NTRK2: variants seen among roughly 807,000 people sequenced by gnomAD.
The protein encoded by NTRK2 is neurotrophic receptor tyrosine kinase 2, also known as BDNF/NT-3 growth factors receptor.
Under a neutral mutation model 94.5 loss-of-function variants are expected in NTRK2, and 13 were observed. The ratio of observed to expected loss-of-function variants is 0.14; its 90% CI spans 0.09 to 0.22. The LOEUF (loss-of-function observed/expected upper bound fraction) is 0.22, where lower values mean the gene tolerates loss of function less well. Ranked by LOEUF, NTRK2 falls within the 10% of genes least tolerant of loss-of-function variation. The pLI is 1.00. For synonymous variants in NTRK2, 372 were observed against 407.4 expected (o/e 0.91, Z 1.05); for missense variants, 639 against 1,071.2 (o/e 0.60, Z 5.63).
intron 14 of NTRK2, among the ~76,000 whole-genome samples, chr9:84,911,829 C>T (rs1470465002): frequency 2.0e-5 from 3 of 151,888 alleles, no homozygotes; most frequent in African/African-American, 7.2e-5. Flanking sequence ...CTTCTAATTT[C>T]TTGTGGTAGG....
At chr9:84,878,871 T>C (rs2076169879) in intron 14 of NTRK2, among the ~76,000 whole-genome samples, 1 of 152,150 alleles carries the variant, frequency 6.6e-6, no homozygotes, top group Admixed American at 6.5e-5. Flanking sequence ...TATGTGTACA[T>C]AAACTTCTCA....
At chr9:84,989,006 G>C (rs1828710756) in intron 17 of NTRK2, among the ~76,000 whole-genome samples, 1 of 152,220 alleles carries the variant, frequency 6.6e-6, no homozygotes, top group Non-Finnish European at 1.5e-5. Flanking sequence ...TATCCTTGGA[G>C]CTGGAAGAGA....
At chr9:84,913,732 G>C (rs1277868340) in intron 14 of NTRK2, among the ~76,000 whole-genome samples, 1 of 152,000 alleles carries the variant, frequency 6.6e-6, no homozygotes, top group African/African-American at 2.4e-5. Flanking sequence ...TTAGTTTTGA[G>C]AAGTTTGACT....
At chr9:84,709,563 A>C (rs2061306204) in intron 5 of NTRK2, among the ~76,000 whole-genome samples, 1 of 152,150 alleles carries the variant, frequency 6.6e-6, no homozygotes, top group South Asian at 2.1e-4. Context: ...CTCCTGGAAA[A>C]GTCTCCAGGG....
intron 12 of NTRK2, among the ~76,000 whole-genome samples, chr9:84,784,825 C>A (rs1228633533): frequency 6.6e-6 from 1 of 151,978 alleles, no homozygotes; most frequent in Non-Finnish European, 1.5e-5. Context: ...CAGTACAAGT[C>A]AAAATACTAG....
At chr9:84,958,123 C>A (rs1251387045) in intron 17 of NTRK2, among the ~76,000 whole-genome samples, 1 of 151,970 alleles carries the variant, frequency 6.6e-6, no homozygotes, top group Admixed American at 6.6e-5. Flanking sequence ...CTACTGCGTA[C>A]AGGGTTTCTT....
In NTRK2 at chr9:84,743,021, G is replaced by A. The variant is rs550241839; in HGVS notation, c.1195+1094G>A. The stretch of plus-strand genomic sequence containing the variant: ...TTACCATGTTGGCCAGGCTGGTCTC[G>A]AACTCCTGACCTCAGGTGATTCACC... On this transcript the variant is annotated intron_variant, in intron 10 of 18. Coordinates refer to ENST00000277120, the MANE Select transcript of NTRK2 (RefSeq NM_006180.6). Among the ~76,000 whole-genome samples, 493 of 152,062 alleles carry A rather than the reference G, an allele frequency of 3.2e-3. 2 individuals carry two copies. Among genetic ancestry groups the A allele is most frequent in the Non-Finnish European group, 5.5e-3 (372 of 67,982 alleles).
rs1832958941 is a variant in NTRK2 at position 85,024,901 on chromosome 9, G to A, written c.*3464G>A. ...TCAGCGCTACCTGTGATGTTTTCATGTATTTATGTATGTGTTATAAATACT... is the reference window on the plus strand; with the variant it reads ...TCAGCGCTACCTGTGATGTTTTCATATATTTATGTATGTGTTATAAATACT... On this transcript the variant is annotated 3_prime_UTR_variant, in exon 19 of 19. Coordinates refer to ENST00000277120, the MANE Select transcript of NTRK2 (RefSeq NM_006180.6). 1 of 232,798 alleles carries A rather than the reference G, an allele frequency of 4.3e-6. No homozygotes were observed. Among genetic ancestry groups the A allele is most frequent in the African/African-American group, 2.2e-5 (1 of 45,312 alleles). The allele number at this position is 232,798 out of a possible 1,614,324, so 14.4% of individuals were successfully genotyped here.
chr9:84,721,435 C>T (rs1012409488), intron 6 of NTRK2, among the ~76,000 whole-genome samples: 4 of 152,182 alleles, frequency 2.6e-5, no homozygotes, highest in African/African-American at 9.7e-5. Context: ...CTCGGCCTCC[C>T]AAAGTGCTGG....
intron 12 of NTRK2, among the ~76,000 whole-genome samples, chr9:84,767,197 T>G (rs991721489): frequency 1.3e-5 from 2 of 152,200 alleles, no homozygotes; most frequent in Non-Finnish European, 2.9e-5. Context: ...TGAGTAAAAT[T>G]TTCTCTTCTT....
chr9:84,870,427 C>T (rs2075820721), intron 14 of NTRK2, among the ~76,000 whole-genome samples: 1 of 144,770 alleles, frequency 6.9e-6, no homozygotes, highest in South Asian at 2.2e-4. Context: ...ACCTTGACCT[C>T]CTGGGCTCAA....
intron 9 of NTRK2, among the ~76,000 whole-genome samples, chr9:84,731,654 C>T (rs547730445): frequency 1.3e-5 from 2 of 152,132 alleles, no homozygotes; most frequent in Middle Eastern, 3.4e-3. Flanking sequence ...GCTTGGGATG[C>T]AGACACTAGA....
At chr9:84,780,524 A>G (rs1335194332) in intron 12 of NTRK2, among the ~76,000 whole-genome samples, 1 of 152,204 alleles carries the variant, frequency 6.6e-6, no homozygotes, top group Non-Finnish European at 1.5e-5. Flanking sequence ...TAGTCAGGCC[A>G]GTCCCTAAAT....
At position 84,872,229 on chromosome 9, in the gene NTRK2, C is replaced by T. The variant is rs1171980056; in HGVS notation, c.1633+4798C>T. ...ACTCAGCTCAAGGGCAGCTGTGTTGCTTTCCTTTCCTTGACTGCTGAGAAA... is the reference window on the plus strand; with the variant it reads ...ACTCAGCTCAAGGGCAGCTGTGTTGTTTTCCTTTCCTTGACTGCTGAGAAA... On this transcript the variant is annotated intron_variant, in intron 14 of 18. Transcript: ENST00000277120. 3.5e-6 allele frequency: 4 copies of T among 1,133,788 alleles called. No individual in the cohort carries two copies. The African/African-American group carries it at 4.6e-5, about 13-fold the overall frequency. 70.2% of individuals were successfully genotyped at this position (1,133,788 alleles called of 1,614,324 possible). A position where few individuals can be genotyped will look rare whatever the true frequency, so the allele number is the denominator to read the frequency against.
intron 12 of NTRK2, among the ~76,000 whole-genome samples, chr9:84,778,480 C>A (rs1176160020): frequency 6.6e-6 from 1 of 152,124 alleles, no homozygotes; most frequent in Admixed American, 6.5e-5. Context: ...TATGTAGAAC[C>A]GTAGTGAATT....
In NTRK2 at chr9:84,807,887, A is replaced by G. The variant is rs200206080; in HGVS notation, c.1397-53153A>G. ...TTTAGTCTGTCCACAGTATGGGAAG[A>G]TCAAGGGTATGAAAGAGTAGGGTGA... On this transcript the variant is annotated intron_variant, in intron 12 of 18. Coordinates refer to ENST00000277120, the MANE Select transcript of NTRK2 (RefSeq NM_006180.6). Among the ~76,000 whole-genome samples the G allele has an allele frequency of 3.3e-5, 5 of 152,210 alleles. No homozygotes were observed. The East Asian group carries it at 9.6e-4, about 29-fold the overall frequency.
At chr9:84,887,758 C>T (rs2076461840) in intron 14 of NTRK2, among the ~76,000 whole-genome samples, 1 of 152,168 alleles carries the variant, frequency 6.6e-6, no homozygotes, top group African/African-American at 2.4e-5. Flanking sequence ...CTCAGCTTGA[C>T]TTTGTTACAT....
At chr9:84,702,081 G>A in intron 2 of NTRK2, 78 bp from the exon 3 acceptor site, 1 of 1,321,758 alleles carries the variant, frequency 7.6e-7, no homozygotes, top group Non-Finnish European at 1.1e-6. Context: ...GGACACCTGG[G>A]TGAGGTGGAT....
Position 84,670,715 on chromosome 9 carries a change from G to A in NTRK2, c.-34G>A, listed in dbSNP as rs775644078. On this transcript the variant is annotated 5_prime_UTR_variant, in exon 2 of 19. Coordinates refer to ENST00000277120, the MANE Select transcript of NTRK2 (RefSeq NM_006180.6). ...GGGGAAAGCGGCCGGTGCAGCGCGG[G>A]GACAGGCACTCGGGCTGGCACTGGC... The A allele has an allele frequency of 1.9e-6, 3 of 1,605,010 alleles. No individual in the cohort carries two copies. Among genetic ancestry groups the A allele is most frequent in the Non-Finnish European group, 2.6e-6 (3 of 1,176,142 alleles).
Sources: gnomAD v4.1 joint callset for allele counts (sites outside exome capture counted in the v4.1 genomes callset) on GRCh38, gnomAD v4.1.1 for gene constraint, MANE v1.5 for transcripts, NCBI Gene and HGNC (gene_info 2026-07-23, HGNC 2026-07-21) for gene names.